APBB2: variants seen among roughly 807,000 people sequenced by gnomAD.
The protein encoded by APBB2 is Fe65-like 1.
A neutral mutation model predicts 82.5 loss-of-function variants in APBB2; 38 were observed. The observed-to-expected ratio is 0.46, with a 90% CI of 0.36 to 0.60. The LOEUF (loss-of-function observed/expected upper bound fraction) is 0.60, where lower values mean the gene tolerates loss of function less well. Among genes scored for constraint, APBB2 ranks in the 20% least tolerant of loss-of-function variants. The pLI is 0.00. For synonymous variants in APBB2, 341 were observed against 368.2 expected, an observed-to-expected ratio of 0.93 and a Z score of 0.85; for missense variants, 772 against 972.3, an observed-to-expected ratio of 0.79 and a Z score of 2.74.
At chr4:41,095,940 C>T (rs984132908) in intron 3 of APBB2, among the ~76,000 whole-genome samples, 3 of 152,336 alleles carry the variant, frequency 2.0e-5, no homozygotes, top group Admixed American at 6.5e-5. Context: ...GGCACCTTTT[C>T]GATCTCAGGG....
intron 6 of APBB2, among the ~76,000 whole-genome samples, chr4:41,009,581 G>C (rs1255675419): frequency 6.6e-6 from 1 of 152,148 alleles, no homozygotes; most frequent in Admixed American, 6.5e-5. Context: ...ATGCCCCTGA[G>C]GTAGAAATGA....
intron 1 of APBB2, among the ~76,000 whole-genome samples, chr4:41,157,724 C>T (rs1020866102): frequency 2.0e-5 from 3 of 152,236 alleles, no homozygotes; most frequent in African/African-American, 7.2e-5. Context: ...CGCGCAGTGG[C>T]TCACACCTGT....
At chr4:40,903,579 CA>C (rs923348311) in intron 10 of APBB2, among the ~76,000 whole-genome samples, 1 of 152,170 alleles carries the variant, frequency 6.6e-6, no homozygotes, top group African/African-American at 2.4e-5. Flanking sequence ...CTGATGTTGT[CA>C]GGGGGAATTA....
chr4:41,138,444 C>G (rs1439233796), intron 2 of APBB2, among the ~76,000 whole-genome samples: 1 of 151,926 alleles, frequency 6.6e-6, no homozygotes, highest in African/African-American at 2.4e-5. Context: ...TTAAACAAGC[C>G]AGAGACTAGA....
intron 5 of APBB2, among the ~76,000 whole-genome samples, chr4:41,017,871 A>G (rs17627002): frequency 0.27 from 40,366 of 152,154 alleles, 6,562 homozygotes; most frequent in East Asian, 0.54. Flanking sequence ...TTAAGAGGAT[A>G]GAGGTTTGTG....
chr4:40,834,813 A>G (rs7694048), intron 12 of APBB2, among the ~76,000 whole-genome samples: 87,101 of 151,936 alleles, frequency 0.57, 25,846 homozygotes, highest in Non-Finnish European at 0.64. Flanking sequence ...AACACAGCCC[A>G]GCCAACACTG....
rs1182963132 is a variant in APBB2 at position 41,082,750 on chromosome 4, A to C, written c.-148-17077T>G. The stretch of plus-strand genomic sequence containing the variant: ...TAAAATTAATAAAAATATGCAAAAG[A>C]GTTGTTCACTGAAGCATTATTCACA... On this transcript the variant is annotated intron_variant, in intron 3 of 17. Transcript: ENST00000508593. 7.9e-5 allele frequency among the ~76,000 whole-genome samples: 12 copies of C among 152,258 alleles called. 1 individual carries two copies. In the South Asian group the frequency reaches 2.1e-3, roughly 26 times the overall value.
At chr4:41,203,209 TAC>T (rs144398656) in intron 1 of APBB2, among the ~76,000 whole-genome samples, 1,799 of 152,012 alleles carry the variant, frequency 0.012, 31 homozygotes, top group African/African-American at 0.039. Context: ...GATACACATA[TAC>T]ACACACACAC....
At chr4:41,058,453 T>C (rs1728596747) in intron 4 of APBB2, among the ~76,000 whole-genome samples, 1 of 152,190 alleles carries the variant, frequency 6.6e-6, no homozygotes, top group Non-Finnish European at 1.5e-5. Flanking sequence ...GAAAACAAGG[T>C]CTGTATTTAT....
chr4:40,828,798 C>A (rs950564512), intron 13 of APBB2, among the ~76,000 whole-genome samples: 20 of 152,336 alleles, frequency 1.3e-4, no homozygotes, highest in Admixed American at 1.3e-3. Context: ...GACCAGTGCC[C>A]ATCCTGCACG....
At chr4:41,078,492 G>A (rs532081535) in intron 3 of APBB2, among the ~76,000 whole-genome samples, 1 of 152,296 alleles carries the variant, frequency 6.6e-6, no homozygotes, top group Non-Finnish European at 1.5e-5. Flanking sequence ...CAAGGAAACA[G>A]ATAAGTCTTA....
intron 1 of APBB2, among the ~76,000 whole-genome samples, chr4:41,207,439 T>A (rs1380916881): frequency 6.6e-6 from 1 of 152,118 alleles, no homozygotes; most frequent in Admixed American, 6.5e-5. Flanking sequence ...CATCACCATT[T>A]CCTAGAATCA....
intron 6 of APBB2, among the ~76,000 whole-genome samples, chr4:40,962,439 C>T (rs1231080817): frequency 1.3e-5 from 2 of 152,146 alleles, no homozygotes; most frequent in African/African-American, 2.4e-5. Flanking sequence ...ATTGTGAATT[C>T]TCGGTTGCAA....
At chr4:41,069,960 G>A (rs1733238171) in intron 3 of APBB2, among the ~76,000 whole-genome samples, 1 of 152,182 alleles carries the variant, frequency 6.6e-6, no homozygotes, top group African/African-American at 2.4e-5. Context: ...GAAAATAGAT[G>A]GGTATGAACA....
rs192520704 is a variant in APBB2 at position 41,060,885 on chromosome 4, A to G, written c.-51+4691T>C. 2.6e-5 allele frequency among the ~76,000 whole-genome samples: 4 copies of G among 152,340 alleles called. No homozygotes were observed. The East Asian group carries it at 7.7e-4, about 29-fold the overall frequency. On this transcript the variant is annotated intron_variant, in intron 4 of 17. Transcript: ENST00000508593. ...GAGCAGCCCACACAGACTACTATAA[A>G]TGTCTACTGAATAGCAATAATACTA...
chr4:41,110,095 T>C (rs1405990030), intron 2 of APBB2, among the ~76,000 whole-genome samples: 1 of 132,022 alleles, frequency 7.6e-6, no homozygotes, highest in East Asian at 1.9e-4. Context: ...AGAGACCACC[T>C]TTCTTTCTAA....
Position 40,821,866 on chromosome 4 carries a change from C to G in APBB2, c.2112+5G>C. Reference sequence around the variant, plus strand: ...GGCTCAACAGCCTGTACCGGGATAACTCACCATGCAGGCGGCCTGCACCGC... The same window carrying G: ...GGCTCAACAGCCTGTACCGGGATAAGTCACCATGCAGGCGGCCTGCACCGC... On this transcript the variant is annotated splice_donor_5th_base_variant and intron_variant, in intron 17 of 17. Coordinates refer to ENST00000508593, the MANE Select transcript of APBB2 (RefSeq NM_004307.2). 1 of 1,612,128 alleles carries G rather than the reference C, an allele frequency of 6.2e-7. No individual in the cohort carries two copies. Among genetic ancestry groups the G allele is most frequent in the Non-Finnish European group, 8.5e-7 (1 of 1,179,704 alleles).
chr4:40,948,142 G>T (rs1032613004), intron 6 of APBB2, among the ~76,000 whole-genome samples: 10 of 152,206 alleles, frequency 6.6e-5, no homozygotes, highest in African/African-American at 2.4e-4. Context: ...TGGAGACCAA[G>T]AAATCTTGAG....
chr4:41,085,278 C>T (rs1481192212), intron 3 of APBB2, among the ~76,000 whole-genome samples: 1 of 146,322 alleles, frequency 6.8e-6, no homozygotes, highest in East Asian at 2.0e-4. Context: ...AAGACTGAAA[C>T]TGCCTATGGC....
Sources: gnomAD v4.1 joint callset for allele counts (sites outside exome capture counted in the v4.1 genomes callset) on GRCh38, gnomAD v4.1.1 for gene constraint, MANE v1.5 for transcripts, NCBI Gene and HGNC (gene_info 2026-07-23, HGNC 2026-07-21) for gene names.